The following CCDC178 variants were observed in gnomAD, a reference collection of about 807,000 sequenced individuals.
CCDC178 encodes coiled-coil domain-containing protein 178.
CCDC178 carries 126 observed loss-of-function variants against 117.4 expected under a neutral mutation model. The ratio of observed to expected loss-of-function variants is 1.07; its 90% CI spans 0.93 to 1.24. The LOEUF is 1.24. Among genes scored for constraint, CCDC178 ranks in the 50% most tolerant of loss-of-function variants. The pLI, the probability that CCDC178 is intolerant of heterozygous loss-of-function variation, is 0.00. For synonymous variants in CCDC178, 283 were observed against 313.4 expected (o/e 0.90, Z 1.02); for missense variants, 1,030 against 986.9 (o/e 1.04, Z -0.59).
At chr18:33,127,524 C>T (rs905644872) in intron 20 of CCDC178, among the ~76,000 whole-genome samples, 2 of 152,110 alleles carry the variant, frequency 1.3e-5, no homozygotes, top group South Asian at 2.1e-4. Flanking sequence ...CAACCTCTGC[C>T]GCCCTGGTTC....
intron 22 of CCDC178, among the ~76,000 whole-genome samples, chr18:32,965,537 T>C (rs2054793116): frequency 6.6e-6 from 1 of 151,946 alleles, no homozygotes. Context: ...ATTTACATTG[T>C]CTTCAATGGG....
At chr18:33,272,146 G>T (rs1372035423) in intron 12 of CCDC178, among the ~76,000 whole-genome samples, 2 of 151,188 alleles carry the variant, frequency 1.3e-5, no homozygotes, top group African/African-American at 4.8e-5. Context: ...GAAAGTTCAA[G>T]AAATTTGACA....
chr18:33,073,572 CT>C (rs1399494831), intron 21 of CCDC178, among the ~76,000 whole-genome samples: 2 of 151,620 alleles, frequency 1.3e-5, no homozygotes, highest in Non-Finnish European at 2.9e-5. Context: ...TCTTTGCAGA[CT>C]TTCAGATTAT....
chr18:33,147,633 C>T (rs2058286799), intron 20 of CCDC178, among the ~76,000 whole-genome samples: 1 of 151,866 alleles, frequency 6.6e-6, no homozygotes, highest in Non-Finnish European at 1.5e-5. Flanking sequence ...CACCCTTAAT[C>T]CATTTAACCC....
At chr18:33,424,975 T>C (rs2064099628) in intron 2 of CCDC178, among the ~76,000 whole-genome samples, 1 of 152,166 alleles carries the variant, frequency 6.6e-6, no homozygotes, top group African/African-American at 2.4e-5. Context: ...ACCTAACACA[T>C]AGTTTAAAAA....
chr18:33,276,652 AG>A (rs2059953974), intron 12 of CCDC178, among the ~76,000 whole-genome samples: 1 of 152,136 alleles, frequency 6.6e-6, no homozygotes, highest in Non-Finnish European at 1.5e-5. Flanking sequence ...AATAAAGATG[AG>A]GACAAAAGAA....
At chr18:32,964,095 G>A (rs1483602814) in intron 22 of CCDC178, among the ~76,000 whole-genome samples, 2 of 151,920 alleles carry the variant, frequency 1.3e-5, no homozygotes, top group African/African-American at 4.8e-5. Context: ...CCTAAAGGTA[G>A]GGGTGTAGAA....
chr18:33,397,313 TA>T (rs1187391043), intron 3 of CCDC178, 105 bp from the exon 4 acceptor site: 1 of 669,906 alleles, frequency 1.5e-6, no homozygotes, highest in African/African-American at 1.8e-5. Flanking sequence ...AGCATCAGAA[TA>T]AAGACATATA....
At chr18:33,266,610 G>A (rs925471641) in intron 14 of CCDC178, among the ~76,000 whole-genome samples, 3 of 142,798 alleles carry the variant, frequency 2.1e-5, no homozygotes, top group African/African-American at 7.8e-5. Context: ...ATGGACACAG[G>A]AAGGGGAACA....
chr18:33,362,923 C>G (rs1203331557), intron 6 of CCDC178, among the ~76,000 whole-genome samples: 4 of 147,000 alleles, frequency 2.7e-5, no homozygotes, highest in African/African-American at 5.1e-5. Flanking sequence ...GTGAATTGCA[C>G]CTCAACTTTT....
At chr18:33,126,564 G>A (rs979795922) in intron 20 of CCDC178, among the ~76,000 whole-genome samples, 1 of 151,858 alleles carries the variant, frequency 6.6e-6, no homozygotes, top group Non-Finnish European at 1.5e-5. Context: ...TTGTACTCAA[G>A]TCTTGCAGTC....
At chr18:33,431,384 A>T (rs979088811) in intron 2 of CCDC178, among the ~76,000 whole-genome samples, 5 of 151,992 alleles carry the variant, frequency 3.3e-5, no homozygotes, top group African/African-American at 7.2e-5. Flanking sequence ...ATTTTTTAAA[A>T]ATTCAATAAC....
intron 2 of CCDC178, among the ~76,000 whole-genome samples, chr18:33,418,389 G>C (rs999231497): frequency 1.3e-5 from 2 of 151,916 alleles, no homozygotes; most frequent in Non-Finnish European, 2.9e-5. Context: ...TCATCATACT[G>C]AACGGACAAA....
intron 12 of CCDC178, among the ~76,000 whole-genome samples, chr18:33,280,501 G>C (rs1054316777): frequency 2.0e-5 from 3 of 151,654 alleles, no homozygotes; most frequent in Admixed American, 6.6e-5. Context: ...TTACACTGTT[G>C]GTGGGACTGT....
At chr18:33,227,822 T>C (rs565184597) in intron 15 of CCDC178, among the ~76,000 whole-genome samples, 1 of 152,072 alleles carries the variant, frequency 6.6e-6, no homozygotes, top group African/African-American at 2.4e-5. Flanking sequence ...AGGTGGTAAA[T>C]AAAGCAGTAA....
At chr18:32,981,031 C>A (rs2055144328) in intron 21 of CCDC178, among the ~76,000 whole-genome samples, 1 of 152,032 alleles carries the variant, frequency 6.6e-6, no homozygotes, top group Non-Finnish European at 1.5e-5. Context: ...TGTTCATACC[C>A]TAAACCACAG....
intron 20 of CCDC178, among the ~76,000 whole-genome samples, chr18:33,179,108 T>A (rs1486842696): frequency 2.8e-4 from 26 of 92,948 alleles, no homozygotes; most frequent in Admixed American, 5.9e-4. Context: ...TATATATATA[T>A]AAACTATATA....
At chr18:32,987,673 T>A (rs1199514811) in intron 21 of CCDC178, among the ~76,000 whole-genome samples, 1 of 152,200 alleles carries the variant, frequency 6.6e-6, no homozygotes. Context: ...AAAGCAAGCC[T>A]TTTATTACAA....
At chr18:33,363,859 T>C (rs989332037) in intron 6 of CCDC178, among the ~76,000 whole-genome samples, 2 of 152,086 alleles carry the variant, frequency 1.3e-5, no homozygotes, top group Admixed American at 6.6e-5. Context: ...GTATTAATCA[T>C]GTGGCAATGG....
Sources: allele counts gnomAD v4.1 joint callset (sites outside exome capture counted in the v4.1 genomes callset), GRCh38; gene constraint gnomAD v4.1.1; transcripts MANE v1.5; gene names NCBI Gene and HGNC (gene_info 2026-07-23, HGNC 2026-07-21).